The following CNTNAP2 variants were observed in gnomAD, a reference collection of about 807,000 sequenced individuals.
CNTNAP2 encodes contactin-associated protein-like 2.
In CNTNAP2, 98 loss-of-function variants were observed where a neutral mutation model predicts 155.2. The observed-to-expected ratio is 0.63, with a 90% CI of 0.54 to 0.75. CNTNAP2 has a LOEUF of 0.75. Among genes scored for constraint, CNTNAP2 ranks in the 30% least tolerant of loss-of-function variants. The probability of loss-of-function intolerance (pLI) is 0.00; values close to 1 mark genes in which losing one functional copy is unlikely to be tolerated. For missense variants in CNTNAP2, 1,727 were observed against 1,688.1 expected, an observed-to-expected ratio of 1.02 and a Z score of -0.40; for synonymous variants, 651 against 631.2, an observed-to-expected ratio of 1.03 and a Z score of -0.47.
intron 9 of CNTNAP2, among the ~76,000 whole-genome samples, chr7:147,336,359 C>A (rs1044183908): frequency 2.6e-5 from 4 of 152,226 alleles, no homozygotes; most frequent in Middle Eastern, 3.4e-3. Context: ...GTGGAAGCAG[C>A]ACCATGCTCA....
chr7:147,742,266 G>T (rs1008839406), intron 13 of CNTNAP2, among the ~76,000 whole-genome samples: 1 of 152,220 alleles, frequency 6.6e-6, no homozygotes, highest in Non-Finnish European at 1.5e-5. Flanking sequence ...CAAAACATTT[G>T]TCACTGTTCC....
intron 21 of CNTNAP2, among the ~76,000 whole-genome samples, chr7:148,271,814 G>A (rs1447706263): frequency 6.6e-6 from 1 of 152,156 alleles, no homozygotes. Flanking sequence ...CAACCCATTT[G>A]CATTCCCCAG....
intron 15 of CNTNAP2, among the ~76,000 whole-genome samples, chr7:148,024,118 G>A (rs1802332854): frequency 7.5e-6 from 1 of 132,576 alleles, no homozygotes; most frequent in South Asian, 2.4e-4. Flanking sequence ...CACACTTCTT[G>A]CACTTGTGAA....
intron 1 of CNTNAP2, among the ~76,000 whole-genome samples, chr7:146,177,692 A>C (rs1036184271): frequency 6.6e-6 from 1 of 152,260 alleles, no homozygotes; most frequent in Non-Finnish European, 1.5e-5. Flanking sequence ...TTCTGATAAA[A>C]ATAATATTTG....
intron 15 of CNTNAP2, among the ~76,000 whole-genome samples, chr7:148,054,095 CCA>C (rs1802960807): frequency 6.6e-6 from 1 of 151,754 alleles, no homozygotes; most frequent in South Asian, 2.1e-4. Flanking sequence ...GCCTCAGCCT[CCA>C]GAGTAGCTGG....
chr7:147,262,867 C>G (rs933517725), intron 8 of CNTNAP2, among the ~76,000 whole-genome samples: 2 of 152,160 alleles, frequency 1.3e-5, no homozygotes, highest in African/African-American at 4.8e-5. Flanking sequence ...CAGAAGAACC[C>G]AAATGTACTG....
chr7:146,828,810 G>A (rs1373923207), intron 2 of CNTNAP2, among the ~76,000 whole-genome samples: 3 of 152,056 alleles, frequency 2.0e-5, no homozygotes, highest in African/African-American at 4.8e-5. Context: ...CATTAAACTT[G>A]TATACATGTC....
intron 4 of CNTNAP2, among the ~76,000 whole-genome samples, chr7:147,084,376 A>G (rs1361515798): frequency 1.9e-4 from 5 of 26,784 alleles, no homozygotes; most frequent in African/African-American, 6.1e-4. Context: ...TGTATATATA[A>G]TATATGCATA....
At chr7:147,760,956 T>C (rs1023823547) in intron 13 of CNTNAP2, among the ~76,000 whole-genome samples, 2 of 152,208 alleles carry the variant, frequency 1.3e-5, no homozygotes, top group Non-Finnish European at 2.9e-5. Context: ...ATAGCAGTTA[T>C]ATTCTTATGA....
At chr7:146,454,275 T>C (rs1018227350) in intron 1 of CNTNAP2, among the ~76,000 whole-genome samples, 9 of 152,218 alleles carry the variant, frequency 5.9e-5, no homozygotes, top group Admixed American at 2.0e-4. Context: ...TTCTTAGTAT[T>C]CCTTAGTATG....
intron 1 of CNTNAP2, among the ~76,000 whole-genome samples, chr7:146,265,983 C>T (rs948848280): frequency 6.6e-6 from 1 of 151,756 alleles, no homozygotes; most frequent in Non-Finnish European, 1.5e-5. Context: ...CAAATTTGCC[C>T]TCTCCCAGCC....
chr7:147,270,287 A>G (rs1348139123), intron 8 of CNTNAP2, among the ~76,000 whole-genome samples: 2 of 152,334 alleles, frequency 1.3e-5, no homozygotes, highest in South Asian at 2.1e-4. Context: ...TCCATTGTGA[A>G]ATACTCAGTA....
chr7:148,314,829 C>T (rs1299584634), intron 21 of CNTNAP2, among the ~76,000 whole-genome samples: 2 of 152,154 alleles, frequency 1.3e-5, no homozygotes, highest in African/African-American at 4.8e-5. Flanking sequence ...ATCAGGCAGG[C>T]GTCCCCATGT....
At chr7:146,229,405 A>G (rs768200993) in intron 1 of CNTNAP2, among the ~76,000 whole-genome samples, 4 of 152,170 alleles carry the variant, frequency 2.6e-5, no homozygotes, top group Non-Finnish European at 4.4e-5. Flanking sequence ...AGGACACCCC[A>G]TGACCCAACT....
At chr7:147,759,889 G>A (rs1797273788) in intron 13 of CNTNAP2, among the ~76,000 whole-genome samples, 1 of 152,076 alleles carries the variant, frequency 6.6e-6, no homozygotes, top group Admixed American at 6.6e-5. Flanking sequence ...AGACAGACTA[G>A]ATACACCCCG....
chr7:148,056,930 T>C (rs1303844704), intron 15 of CNTNAP2, among the ~76,000 whole-genome samples: 4 of 152,212 alleles, frequency 2.6e-5, no homozygotes, highest in Non-Finnish European at 5.9e-5. Flanking sequence ...CCAATCCTCA[T>C]GTAAGCTTTG....
intron 15 of CNTNAP2, among the ~76,000 whole-genome samples, chr7:148,092,666 T>C (rs1329907570): frequency 1.3e-5 from 2 of 152,140 alleles, no homozygotes; most frequent in African/African-American, 4.8e-5. Flanking sequence ...TGCCCAGCTT[T>C]TGTTCTCTCG....
At chr7:146,269,690 G>A (rs1442659788) in intron 1 of CNTNAP2, among the ~76,000 whole-genome samples, 1 of 152,020 alleles carries the variant, frequency 6.6e-6, no homozygotes, top group East Asian at 1.9e-4. Context: ...CAACCGAAAG[G>A]GTAAACATAT....
chr7:148,134,924 A>G (rs1195665584), intron 16 of CNTNAP2, among the ~76,000 whole-genome samples: 2 of 152,166 alleles, frequency 1.3e-5, no homozygotes, highest in African/African-American at 2.4e-5. Context: ...ATGCATTTAT[A>G]TATACTTTTT....
Sources: gnomAD v4.1 joint callset for allele counts (sites outside exome capture counted in the v4.1 genomes callset) on GRCh38, gnomAD v4.1.1 for gene constraint, MANE v1.5 for transcripts, NCBI Gene and HGNC (gene_info 2026-07-23, HGNC 2026-07-21) for gene names.